Variants in ZNF232 observed in about 807,000 individuals in gnomAD.
The protein encoded by ZNF232 is zinc finger and SCAN domain-containing protein 11.
A neutral mutation model predicts 25.2 loss-of-function variants in ZNF232; 25 were observed. The observed-to-expected ratio is 0.99, with a 90% CI of 0.72 to 1.39. ZNF232 has a LOEUF of 1.39. Among genes scored for constraint, ZNF232 ranks in the 40% most tolerant of loss-of-function variants. The pLI, the probability that ZNF232 is intolerant of heterozygous loss-of-function variation, is 0.00. For missense variants in ZNF232, 519 were observed against 520.9 expected (o/e 1.00, Z 0.04); for synonymous variants, 193 against 182.9 (o/e 1.06, Z -0.45).
At chr17:5,122,467 A>C (rs2072709430) in intron 1 of ZNF232, among the ~76,000 whole-genome samples, 1 of 152,188 alleles carries the variant, frequency 6.6e-6, no homozygotes, top group Admixed American at 6.5e-5. Flanking sequence ...TTGCTCCCCG[A>C]AAAGGTTTTT....
At chr17:5,118,068 CAAAAAA>C (rs57176092) in intron 1 of ZNF232, 17 of 109,142 alleles carry the variant, frequency 1.6e-4, no homozygotes, top group African/African-American at 4.7e-4. Flanking sequence ...GACTCCGTCT[CAAAAAA>C]AAAAAAAAAA....
upstream of ZNF232, chr17:5,114,956 A>C (rs1406887382): frequency 6.6e-6 from 1 of 152,304 alleles, no homozygotes; most frequent in Non-Finnish European, 1.5e-5. Context: ...GGCCCTGGTC[A>C]CAGCCTTGCA....
chr17:5,107,799 T>G (rs1051613964), intron 3 of ZNF232, among the ~76,000 whole-genome samples: 2 of 152,186 alleles, frequency 1.3e-5, no homozygotes, highest in Non-Finnish European at 2.9e-5. Flanking sequence ...CCTCCCAAAG[T>G]GCTGGGATTA....
At chr17:5,108,937 A>G (rs1234735518) in exon 3 of ZNF232, 2 of 1,613,858 alleles carry the variant, frequency 1.2e-6, no homozygotes, top group South Asian at 2.2e-5. Flanking sequence ...ACTCTTTGGG[A>G]AAGGCTGGGT....
In ZNF232 at chr17:5,109,120, C is replaced by T. The variant is rs558573717; in HGVS notation, c.499-68G>A. 4.4e-6 allele frequency: 7 copies of T among 1,604,202 alleles called. No homozygotes were observed. In the East Asian group the frequency reaches 1.1e-4, roughly 26 times the overall value. On this transcript the variant is annotated intron_variant, in intron 2 of 3. Coordinates refer to ENST00000575898, the Ensembl canonical transcript of ZNF232. ...TTACTAGTGTGGTTTCTGTCCCCTG[C>T]CTGGACACTTGCAGATGTGACCCTC...
upstream of ZNF232, among the ~76,000 whole-genome samples, chr17:5,116,185 A>T (rs972447645): frequency 5.5e-5 from 8 of 146,222 alleles, no homozygotes; most frequent in Admixed American, 5.6e-4. Context: ...TCCAACTAGC[A>T]GTCAGGAGGG....
intron 1 of ZNF232, among the ~76,000 whole-genome samples, chr17:5,117,345 CT>C (rs1022184760): frequency 6.6e-5 from 10 of 151,822 alleles, no homozygotes; most frequent in African/African-American, 2.4e-4. Flanking sequence ...GTGAAACCCC[CT>C]CTCTACAAAA....
intron 1 of ZNF232, among the ~76,000 whole-genome samples, chr17:5,116,963 G>A (rs1354527043): frequency 6.6e-6 from 1 of 152,208 alleles, no homozygotes; most frequent in East Asian, 1.9e-4. Context: ...CAAGAGGGCG[G>A]TGCCTACATT....
chr17:5,115,830 C>T (rs918388971), upstream of ZNF232, among the ~76,000 whole-genome samples: 3 of 152,186 alleles, frequency 2.0e-5, no homozygotes, highest in Non-Finnish European at 2.9e-5. Flanking sequence ...GTCCAGCCTC[C>T]CGGGGACACA....
At position 5,119,439 on chromosome 17, in the gene ZNF232, T is replaced by G. The variant is rs1035758707; in HGVS notation, c.-530+3538A>C. 2.1e-4 allele frequency among the ~76,000 whole-genome samples: 32 copies of G among 152,240 alleles called. 1 individual carries two copies. The highest frequency in any genetic ancestry group is 1.1e-3 in the Admixed American group (17 of 15,286). On this transcript the variant is annotated intron_variant, in intron 1 of 4. Coordinates refer to the ZNF232 transcript ENST00000250076. ...CTGAAAATTAACTCTTTTGTCCTTC[T>G]TCAGCCCCCACTAAAGTGAGGTCAG...
intron 2 of ZNF232, 105 bp from the exon 3 acceptor site, chr17:5,109,157 G>T: frequency 6.6e-7 from 1 of 1,520,446 alleles, no homozygotes; most frequent in Non-Finnish European, 9.0e-7. Flanking sequence ...TTGGACCAAA[G>T]CTTCCAAGGA....
exon 4 of ZNF232, chr17:5,106,474 T>C (rs746913317): frequency 6.2e-7 from 1 of 1,614,250 alleles, no homozygotes; most frequent in Non-Finnish European, 8.5e-7. Context: ...AATGATCCTT[T>C]GTCCTTGGGC....
Position 5,108,814 on chromosome 17 carries a change from T to G in ZNF232, c.625+112A>C. ...AGAGATAAGAATAGTAAGGCTGTGA[T>G]GATACCAAACATTTAAGCACCTACT... On this transcript the variant is annotated intron_variant, in intron 3 of 3. Transcript: ENST00000575898. 7 of 1,520,116 alleles carry G rather than the reference T, an allele frequency of 4.6e-6. No homozygotes were observed. In the South Asian group the frequency reaches 8.4e-5, roughly 18 times the overall value. 94.2% of individuals were successfully genotyped at this position (1,520,116 alleles called of 1,614,324 possible). A position where few individuals can be genotyped will look rare whatever the true frequency, so the allele number is the denominator to read the frequency against.
At chr17:5,118,819 C>T (rs140272019) in intron 1 of ZNF232, among the ~76,000 whole-genome samples, 2 of 152,218 alleles carry the variant, frequency 1.3e-5, no homozygotes, top group East Asian at 1.9e-4. Flanking sequence ...CATTTCTTCC[C>T]GAAAGTCTGG....
rs1405944325 is a variant in ZNF232, at chr17:5,108,603, A to G, written c.625+323T>C. Among the ~76,000 whole-genome samples, 3 of 151,792 alleles carry G rather than the reference A, an allele frequency of 2.0e-5. No homozygotes were observed. In the East Asian group the frequency reaches 5.8e-4, roughly 29 times the overall value. ...CTAGGAGTTAAGTGCAGTGGAGATG[A>G]TAAGGCATAAATGAATGAGCTATTT... On this transcript the variant is annotated intron_variant, in intron 3 of 3. Coordinates refer to ENST00000575898, the Ensembl canonical transcript of ZNF232.
At chr17:5,108,745 C>G in intron 3 of ZNF232, 181 bp downstream of exon 3, 1 of 905,644 alleles carries the variant, frequency 1.1e-6, no homozygotes, top group Admixed American at 2.8e-5. Context: ...TTTATTCTTA[C>G]TCCTAATTTT....
intron 1 of ZNF232, chr17:5,122,858 GGGGTTAT>G (rs1284998286): frequency 5.3e-5 from 8 of 152,312 alleles, no homozygotes; most frequent in African/African-American, 1.7e-4. Context: ...CCCGCGGCGG[GGGGTTAT>G]GCCAAGGAAG....
intron 3 of ZNF232, among the ~76,000 whole-genome samples, chr17:5,108,234 A>G (rs1440154541): frequency 6.6e-6 from 1 of 152,224 alleles, no homozygotes; most frequent in African/African-American, 2.4e-5. Flanking sequence ...GCATATTCAC[A>G]ATACGGTCAC....
At position 5,106,535 on chromosome 17, in the gene ZNF232, T is replaced by C. The variant is rs2072265532; in HGVS notation, c.626-29A>G. 1 of 1,579,358 alleles carries C rather than the reference T, an allele frequency of 6.3e-7. No homozygotes were observed. The highest frequency in any genetic ancestry group is 1.2e-5 in the South Asian group (1 of 85,696). ...ACAGAAAATGTAAATATACCTGTTC[T>C]GGATGTATGAAGAAATGACACTTAG... On this transcript the variant is annotated intron_variant, in intron 3 of 3. Transcript: ENST00000575898.
Sources: gnomAD v4.1 joint callset for allele counts (sites outside exome capture counted in the v4.1 genomes callset) on GRCh38, gnomAD v4.1.1 for gene constraint, MANE v1.5 for transcripts, NCBI Gene and HGNC (gene_info 2026-07-23, HGNC 2026-07-21) for gene names.